The following ESRRG variants were observed in gnomAD, a reference collection of about 807,000 sequenced individuals.
ESRRG encodes the protein estrogen related receptor gamma.
ESRRG carries 13 observed loss-of-function variants against 44.0 expected under a neutral mutation model. The ratio of observed to expected loss-of-function variants is 0.30; its 90% CI spans 0.19 to 0.47. The LOEUF is 0.47. ESRRG is among the 20% of genes least tolerant of loss of function. The pLI is 1.00. For synonymous variants in ESRRG, 215 were observed against 214.6 expected (o/e 1.00, Z -0.02); for missense variants, 395 against 580.6 (o/e 0.68, Z 3.29).
At chr1:216,792,463 C>T (rs2094348298) in intron 2 of ESRRG, among the ~76,000 whole-genome samples, 1 of 152,064 alleles carries the variant, frequency 6.6e-6, no homozygotes, top group African/African-American at 2.4e-5. Context: ...TTACAGCCAT[C>T]AACGATTGCT....
intron 1 of ESRRG, among the ~76,000 whole-genome samples, chr1:216,971,794 A>G (rs2071729742): frequency 6.6e-6 from 1 of 152,204 alleles, no homozygotes; most frequent in Non-Finnish European, 1.5e-5. Context: ...TAAAAGAGTG[A>G]CACGTCAAAC....
chr1:216,561,234 A>C (rs144117830), intron 5 of ESRRG, among the ~76,000 whole-genome samples: 27 of 152,318 alleles, frequency 1.8e-4, no homozygotes, highest in African/African-American at 4.6e-4. Flanking sequence ...CATTCGAAGC[A>C]GCACAGAAAA....
chr1:217,026,899 A>ACACACACACG, intron 1 of ESRRG, among the ~76,000 whole-genome samples: 1 of 100,988 alleles, frequency 9.9e-6, no homozygotes, highest in Non-Finnish European at 2.1e-5. Context: ...ACACACACAC[A>ACACACACACG]CACACACACA....
intron 5 of ESRRG, among the ~76,000 whole-genome samples, chr1:216,547,299 G>C (rs1482666350): frequency 6.6e-6 from 1 of 151,656 alleles, no homozygotes. Context: ...ATTCTGGATT[G>C]GGATGAGAAA....
upstream of ESRRG, among the ~76,000 whole-genome samples, chr1:217,093,340 A>G (rs1438484906): frequency 6.6e-6 from 1 of 152,158 alleles, no homozygotes; most frequent in African/African-American, 2.4e-5. Flanking sequence ...GAGGAGAAAA[A>G]GCAAGAACAC....
At chr1:217,011,798 A>G (rs1468440151) in intron 1 of ESRRG, among the ~76,000 whole-genome samples, 3 of 151,692 alleles carry the variant, frequency 2.0e-5, no homozygotes, top group Non-Finnish European at 4.4e-5. Flanking sequence ...TCTTGTGGCT[A>G]CTCTGTCCCC....
chr1:217,054,191 GT>G (rs2086645566), intron 1 of ESRRG, among the ~76,000 whole-genome samples: 2 of 152,138 alleles, frequency 1.3e-5, no homozygotes, highest in Admixed American at 1.3e-4. Flanking sequence ...CATTTCAGTT[GT>G]TTTTCATCAA....
At chr1:216,786,343 A>C (rs2094126589) in intron 2 of ESRRG, among the ~76,000 whole-genome samples, 1 of 152,176 alleles carries the variant, frequency 6.6e-6, no homozygotes, top group African/African-American at 2.4e-5. Context: ...ATATGATCTC[A>C]AACGTTGAAT....
rs1553757484 is a variant in ESRRG at position 216,989,450 on chromosome 1, A to AAC, written c.-105-49778_-105-49777insGT. ...CTCAAAAAAAAAAAAAAAAAAAAAA[A>AAC]CACAGTGGGAGTGATTTATAAATTT... On this transcript the variant is annotated intron_variant, in intron 1 of 7. Coordinates refer to the ESRRG transcript ENST00000359162. Among the ~76,000 whole-genome samples, 35 of 142,544 alleles carry AAC rather than the reference A, an allele frequency of 2.5e-4. 3 individuals carry two copies. Among genetic ancestry groups the AAC allele is most frequent in the African/African-American group, 3.1e-4 (12 of 38,108 alleles). The allele number at this position is 142,544 out of a possible 152,430, so 93.5% of individuals were successfully genotyped here.
At chr1:216,778,593 C>T (rs1411790410) in intron 2 of ESRRG, among the ~76,000 whole-genome samples, 1 of 151,840 alleles carries the variant, frequency 6.6e-6, no homozygotes, top group Non-Finnish European at 1.5e-5. Context: ...AAGTGGGCTC[C>T]CTGTGACCCT....
At chr1:216,804,960 T>C (rs2094741657) in intron 2 of ESRRG, 1 of 152,224 alleles carries the variant, frequency 6.6e-6, no homozygotes, top group African/African-American at 2.4e-5. Context: ...GGATGTGTAA[T>C]GCAGCTGTGT....
intron 3 of ESRRG, among the ~76,000 whole-genome samples, chr1:216,586,686 C>T (rs1320140784): frequency 2.0e-5 from 3 of 151,330 alleles, no homozygotes; most frequent in African/African-American, 7.3e-5. Context: ...AAGCAATTCA[C>T]CTGCCTCAGC....
intron 1 of ESRRG, among the ~76,000 whole-genome samples, chr1:217,061,696 C>T (rs1219821297): frequency 2.0e-5 from 3 of 152,134 alleles, no homozygotes; most frequent in African/African-American, 4.8e-5. Context: ...TAGAAAGACA[C>T]AGAATGTCTT....
At chr1:216,528,883 T>A (rs1032025374) in intron 5 of ESRRG, among the ~76,000 whole-genome samples, 2 of 152,016 alleles carry the variant, frequency 1.3e-5, no homozygotes, top group African/African-American at 4.8e-5. Context: ...AGGTAAACAC[T>A]CACTTGTCAG....
chr1:216,731,372 A>C (rs2088737412), intron 2 of ESRRG, among the ~76,000 whole-genome samples: 1 of 152,210 alleles, frequency 6.6e-6, no homozygotes, highest in Non-Finnish European at 1.5e-5. Flanking sequence ...GGGGAGAGGA[A>C]GAAGGGAATT....
At chr1:216,989,409 A>G (rs923977222) in intron 1 of ESRRG, among the ~76,000 whole-genome samples, 3 of 138,268 alleles carry the variant, frequency 2.2e-5, no homozygotes, top group African/African-American at 8.2e-5. Context: ...CTCTGTCTGC[A>G]TGGTAGAGAC....
chr1:216,940,343 A>G (rs942338630), intron 1 of ESRRG, among the ~76,000 whole-genome samples: 7 of 152,326 alleles, frequency 4.6e-5, no homozygotes, highest in Admixed American at 2.6e-4. Context: ...TCAACCTACA[A>G]AAATGGCAAT....
At chr1:216,810,375 A>G (rs764738519) in intron 2 of ESRRG, among the ~76,000 whole-genome samples, 1 of 152,020 alleles carries the variant, frequency 6.6e-6, no homozygotes, top group Non-Finnish European at 1.5e-5. Context: ...CATATATGTC[A>G]GTGTTTCTGT....
chr1:216,932,349 A>T (rs1000702100), intron 2 of ESRRG, among the ~76,000 whole-genome samples: 2 of 152,270 alleles, frequency 1.3e-5, no homozygotes, highest in Admixed American at 6.5e-5. Context: ...TTGGCAAGGC[A>T]GTAAATCCAT....
Sources: allele counts gnomAD v4.1 joint callset (sites outside exome capture counted in the v4.1 genomes callset), GRCh38; gene constraint gnomAD v4.1.1; transcripts MANE v1.5; gene names NCBI Gene and HGNC (gene_info 2026-07-23, HGNC 2026-07-21).